The following CHIC1 variants were observed in gnomAD, a reference collection of about 807,000 sequenced individuals.
CHIC1 encodes the protein cysteine rich hydrophobic domain 1.
In CHIC1, 7 loss-of-function variants were observed where a neutral mutation model predicts 18.5. The ratio of observed to expected loss-of-function variants is 0.38; its 90% CI spans 0.22 to 0.71. CHIC1 has a LOEUF of 0.71. Among genes scored for constraint, CHIC1 ranks in the 30% least tolerant of loss-of-function variants. CHIC1 has a pLI of 0.49. For missense variants in CHIC1, 159 were observed against 176.9 expected (o/e 0.90, Z 0.57); for synonymous variants, 77 against 73.5 (o/e 1.05, Z -0.25).
intron 3 of CHIC1, among the ~76,000 whole-genome samples, chrX:73,640,106 A>C (rs1405192087): frequency 9.0e-6 from 1 of 111,606 alleles, no homozygotes; most frequent in Non-Finnish European, 1.9e-5. Flanking sequence ...GTCTTGTGTC[A>C]GTTTTCCATG....
At chrX:73,672,001 TG>T (rs1201604670) in intron 3 of CHIC1, among the ~76,000 whole-genome samples, 6 of 111,284 alleles carry the variant, frequency 5.4e-5, no homozygotes, top group Admixed American at 1.9e-4. Context: ...TTCCCACCTA[TG>T]AGTGAGAACA....
At chrX:73,637,965 A>T (rs1212263455) in intron 3 of CHIC1, among the ~76,000 whole-genome samples, 2 of 110,615 alleles carry the variant, frequency 1.8e-5, no homozygotes, top group African/African-American at 6.6e-5. Context: ...AATTTGAAAA[A>T]ACCTCATCTG....
chrX:73,575,928 C>T (rs1251907521), intron 1 of CHIC1, among the ~76,000 whole-genome samples: 1 of 110,161 alleles, frequency 9.1e-6, no homozygotes. Context: ...ACACATTGTA[C>T]AGCTGTACAA....
chrX:73,583,818 A>AC (rs2057539081), intron 2 of CHIC1, among the ~76,000 whole-genome samples: 1 of 111,593 alleles, frequency 9.0e-6, no homozygotes, highest in Non-Finnish European at 1.9e-5. Context: ...TACCGCAGTT[A>AC]TGAATCCATT....
rs1439402512 is a variant in CHIC1, at chrX:73,572,415, G to A, written c.297-4992G>A. Reference sequence around the variant, plus strand: ...TCCTTGCTGCTATGCATAATGCTGCGATGAGCATATGGGCACGTGTGTAAT... The same window carrying A: ...TCCTTGCTGCTATGCATAATGCTGCAATGAGCATATGGGCACGTGTGTAAT... On this transcript the variant is annotated intron_variant, in intron 1 of 5. Coordinates refer to ENST00000373502, the MANE Select transcript of CHIC1 (RefSeq NM_001039840.4). Among the ~76,000 whole-genome samples, 10 of 110,564 alleles carry A rather than the reference G, an allele frequency of 9.0e-5. No homozygotes were observed. The South Asian group carries it at 3.4e-3, about 37-fold the overall frequency.
chrX:73,638,670 CCCT>C (rs904555994), intron 3 of CHIC1, among the ~76,000 whole-genome samples: 12 of 111,189 alleles, frequency 1.1e-4, no homozygotes, highest in African/African-American at 3.9e-4. Flanking sequence ...CTGATTCTCT[CCCT>C]CCTCCTACCC....
chrX:73,574,243 A>G (rs1048322012), intron 1 of CHIC1, among the ~76,000 whole-genome samples: 7 of 110,760 alleles, frequency 6.3e-5, no homozygotes, highest in African/African-American at 2.3e-4. Flanking sequence ...TGATTTGTGT[A>G]TGTTGAACCA....
intron 3 of CHIC1, among the ~76,000 whole-genome samples, chrX:73,646,857 C>T (rs1249994606): frequency 1.8e-5 from 2 of 109,879 alleles, no homozygotes; most frequent in African/African-American, 7.0e-5. Flanking sequence ...AAAGTTTTAT[C>T]CATAAAATCT....
intron 3 of CHIC1, among the ~76,000 whole-genome samples, chrX:73,647,565 C>T (rs2057895239): frequency 8.9e-6 from 1 of 112,365 alleles, no homozygotes; most frequent in African/African-American, 3.2e-5. Context: ...AGGGATGTCC[C>T]CCACAACCTA....
rs146685470 is a variant in CHIC1 at position 73,604,079 on chromosome X, G to A, written c.507+19507G>A. Among the ~76,000 whole-genome samples the A allele has an allele frequency of 6.4e-4, 69 of 107,904 alleles. No homozygotes were observed. The East Asian group carries it at 0.016, about 25-fold the overall frequency. 93.7% of individuals were successfully genotyped at this position (107,904 alleles called of 115,157 possible). On this transcript the variant is annotated intron_variant, in intron 3 of 5. Coordinates refer to ENST00000373502, the MANE Select transcript of CHIC1 (RefSeq NM_001039840.4). Reference sequence around the variant, plus strand: ...GTTTGGAATAATTTCAGAAGGAATGGTACCAGCTCCTGTTTGTACCTCTGG... The same window carrying A: ...GTTTGGAATAATTTCAGAAGGAATGATACCAGCTCCTGTTTGTACCTCTGG...
At position 73,655,831 on chromosome X, in the gene CHIC1, A is replaced by G. The variant is rs547185656; in HGVS notation, c.508-23495A>G. 1.4e-4 allele frequency among the ~76,000 whole-genome samples: 15 copies of G among 109,596 alleles called. No homozygotes were observed. In the East Asian group the frequency reaches 4.3e-3, roughly 32 times the overall value. On this transcript the variant is annotated intron_variant, in intron 3 of 5. Coordinates refer to ENST00000373502, the MANE Select transcript of CHIC1 (RefSeq NM_001039840.4). ...ATATTCCTTTGGTATATTCCCAGCA[A>G]TGGGATTGCTGGGTCAAATAGTATT...
chrX:73,620,899 G>T (rs2057756943), intron 3 of CHIC1, among the ~76,000 whole-genome samples: 1 of 111,737 alleles, frequency 8.9e-6, no homozygotes, highest in East Asian at 2.8e-4. Context: ...AAGGGGTCCA[G>T]TTTCAGTTTT....
intron 3 of CHIC1, among the ~76,000 whole-genome samples, chrX:73,666,919 T>C (rs1399444685): frequency 8.9e-6 from 1 of 111,919 alleles, no homozygotes; most frequent in Admixed American, 9.4e-5. Flanking sequence ...TAATCTTCTA[T>C]CTCAATGATC....
chrX:73,605,682 G>T (rs1024730471), intron 3 of CHIC1, among the ~76,000 whole-genome samples: 1 of 108,660 alleles, frequency 9.2e-6, no homozygotes, highest in African/African-American at 3.6e-5. Context: ...TTGTAAGGCA[G>T]GCCTGGTGAT....
Position 73,684,071 on chromosome X carries a change from A to G in CHIC1, c.*3066A>G, listed in dbSNP as rs190098347. ...ATTAGATTAGAAATCATCCTTTTCAACTAGGTCTAAGAATACTTTACTAGT... is the reference window on the plus strand; with the variant it reads ...ATTAGATTAGAAATCATCCTTTTCAGCTAGGTCTAAGAATACTTTACTAGT... On this transcript the variant is annotated 3_prime_UTR_variant, in exon 6 of 6. Transcript: ENST00000373502. 1.8e-5 allele frequency: 2 copies of G among 111,979 alleles called. No homozygotes were observed. The highest frequency in any genetic ancestry group is 5.6e-4 in the East Asian group (2 of 3,560). 9.2% of individuals were successfully genotyped at this position (111,979 alleles called of 1,213,427 possible). A position where few individuals can be genotyped will look rare whatever the true frequency, so the allele number is the denominator to read the frequency against.
Position 73,563,378 on chromosome X carries a change from CCGT to C in CHIC1, c.109_111del (p.Ser37del), listed in dbSNP as rs760149927. The C allele has an allele frequency of 6.5e-5, 75 of 1,148,395 alleles. No individual in the cohort carries two copies. Among genetic ancestry groups the C allele is most frequent in the African/African-American group, 2.4e-4 (13 of 53,857 alleles). 94.6% of individuals were successfully genotyped at this position (1,148,395 alleles called of 1,213,427 possible). ...AGAAGCGGCAACGTCGTCGTCGTCGCCGTCGTCGTCGTCGTCGGTATCTGGGCC... is the reference window on the plus strand; with the variant it reads ...AGAAGCGGCAACGTCGTCGTCGTCGCCGTCGTCGTCGTCGGTATCTGGGCC... On this transcript the variant is annotated inframe_deletion, in exon 1 of 6. Transcript: ENST00000373502.
chrX:73,671,550 A>G (rs775370603), intron 3 of CHIC1, among the ~76,000 whole-genome samples: 2 of 111,102 alleles, frequency 1.8e-5, no homozygotes, highest in East Asian at 5.7e-4. Flanking sequence ...TATCTAGTCT[A>G]TTGTTGAAGC....
intron 3 of CHIC1, among the ~76,000 whole-genome samples, chrX:73,612,725 A>G (rs1323140333): frequency 1.8e-5 from 2 of 112,272 alleles, no homozygotes; most frequent in Non-Finnish European, 3.8e-5. Context: ...TTATGTGCCA[A>G]CATATGGTTT....
intron 3 of CHIC1, among the ~76,000 whole-genome samples, chrX:73,588,654 A>G (rs1485326374): frequency 9.0e-6 from 1 of 110,899 alleles, no homozygotes; most frequent in Non-Finnish European, 1.9e-5. Flanking sequence ...CTTCTTTTAA[A>G]CATTTGGGAG....
Sources: allele counts gnomAD v4.1 joint callset (sites outside exome capture counted in the v4.1 genomes callset), GRCh38; gene constraint gnomAD v4.1.1; transcripts MANE v1.5; gene names NCBI Gene and HGNC (gene_info 2026-07-23, HGNC 2026-07-21).